MECOM: variants seen among roughly 807,000 people sequenced by gnomAD.
MECOM encodes MDS1 and EVI1 complex locus.
A neutral mutation model predicts 116.3 loss-of-function variants in MECOM; 13 were observed. That is an observed-to-expected ratio of 0.11 (90% CI 0.07 to 0.18). The LOEUF is 0.18. Ranked by LOEUF, MECOM falls within the 10% of genes least tolerant of loss-of-function variation. The pLI, the probability that MECOM is intolerant of heterozygous loss-of-function variation, is 1.00. For synonymous variants in MECOM, 528 were observed against 535.2 expected (o/e 0.99, Z 0.19); for missense variants, 1,299 against 1,509.0 (o/e 0.86, Z 2.31).
At chr3:169,338,089 T>G (rs1019448885) in intron 2 of MECOM, among the ~76,000 whole-genome samples, 3 of 152,144 alleles carry the variant, frequency 2.0e-5, no homozygotes, top group African/African-American at 7.2e-5. Context: ...AATCAGAGGG[T>G]GTTTGTGCTT....
intron 1 of MECOM, among the ~76,000 whole-genome samples, chr3:169,431,913 C>A (rs1410871337): frequency 1.3e-5 from 2 of 151,988 alleles, no homozygotes; most frequent in Non-Finnish European, 2.9e-5. Flanking sequence ...CTGAGTGTTG[C>A]CATGGAGAAA....
At chr3:169,466,128 T>C (rs1186718279) in intron 1 of MECOM, among the ~76,000 whole-genome samples, 1 of 152,184 alleles carries the variant, frequency 6.6e-6, no homozygotes, top group African/African-American at 2.4e-5. Flanking sequence ...GTGAGTAGAA[T>C]CCCTGGCCAT....
Position 169,379,202 on chromosome 3 carries a change from C to T in MECOM, c.375+1985G>A, listed in dbSNP as rs183149786. On this transcript the variant is annotated intron_variant, in intron 2 of 16. Coordinates refer to ENST00000651503, the MANE Select transcript of MECOM (RefSeq NM_004991.4). ...AAGAAGAATCAAGAGCTCAACTGCT[C>T]CTCTGTGGAAAACAAGTTTGCCAAA... Among the ~76,000 whole-genome samples the T allele has an allele frequency of 2.6e-5, 4 of 150,958 alleles. No individual in the cohort carries two copies. In the East Asian group the frequency reaches 7.8e-4, roughly 29 times the overall value.
At chr3:169,205,261 C>A (rs955326191) in intron 2 of MECOM, among the ~76,000 whole-genome samples, 2 of 152,236 alleles carry the variant, frequency 1.3e-5, no homozygotes, top group East Asian at 1.9e-4. Context: ...TCTTAACTAT[C>A]GAGTTTCTAG....
At chr3:169,248,410 C>A (rs1044415882) in intron 2 of MECOM, among the ~76,000 whole-genome samples, 6 of 152,208 alleles carry the variant, frequency 3.9e-5, no homozygotes, top group African/African-American at 1.4e-4. Context: ...ACTGCTAAAT[C>A]TACCTCTTAG....
chr3:169,337,142 A>G (rs1265612338), intron 2 of MECOM, among the ~76,000 whole-genome samples: 1 of 152,184 alleles, frequency 6.6e-6, no homozygotes, highest in Non-Finnish European at 1.5e-5. Flanking sequence ...TTAATTTAGA[A>G]GTTATTTTAG....
intron 6 of MECOM, among the ~76,000 whole-genome samples, chr3:169,121,641 A>G (rs1199356105): frequency 3.3e-5 from 5 of 152,212 alleles, no homozygotes; most frequent in African/African-American, 1.2e-4. Flanking sequence ...GAGTTTCCCT[A>G]GGGCGTAAAA....
At chr3:169,226,488 T>A (rs926702116) in intron 2 of MECOM, among the ~76,000 whole-genome samples, 3 of 152,210 alleles carry the variant, frequency 2.0e-5, no homozygotes, top group African/African-American at 7.2e-5. Flanking sequence ...TTCTCCACAT[T>A]GGTTCTAGGT....
intron 4 of MECOM, among the ~76,000 whole-genome samples, chr3:169,130,975 C>T (rs1435999024): frequency 2.0e-5 from 3 of 152,042 alleles, no homozygotes; most frequent in Admixed American, 6.5e-5. Flanking sequence ...TTTCCCAAGG[C>T]CTCTTCCCTG....
intron 1 of MECOM, among the ~76,000 whole-genome samples, chr3:169,547,991 C>T (rs1224905438): frequency 6.6e-6 from 1 of 152,148 alleles, no homozygotes; most frequent in African/African-American, 2.4e-5. Flanking sequence ...GCCTCCAGAA[C>T]TTTATTTACT....
intron 1 of MECOM, among the ~76,000 whole-genome samples, chr3:169,553,952 G>A (rs1045194810): frequency 6.6e-6 from 1 of 152,074 alleles, no homozygotes; most frequent in Admixed American, 6.6e-5. Flanking sequence ...GGAGGTTACG[G>A]CTTCAATATA....
intron 2 of MECOM, among the ~76,000 whole-genome samples, chr3:169,298,481 CATCT>C (rs1435962476): frequency 6.7e-6 from 1 of 150,016 alleles, no homozygotes; most frequent in Admixed American, 6.7e-5. Context: ...TTAATATTTC[CATCT>C]ATTTATATAT....
At chr3:169,123,116 A>ACAATTAAGTGAGTAGC (rs1731581601) in intron 5 of MECOM, among the ~76,000 whole-genome samples, 1 of 151,848 alleles carries the variant, frequency 6.6e-6, no homozygotes, top group Admixed American at 6.6e-5. Context: ...TATTAAGCTC[A>ACAATTAAGTGAGTAGC]CAATTAAGTG....
rs1560317894 is a variant in MECOM, at chr3:169,472,523, A to AAAGGAAAGGAAAGGAAAGGAAAGG, written c.38-91000_38-90999insCCTTTCCTTTCCTTTCCTTTCCTT. On this transcript the variant is annotated intron_variant, in intron 1 of 16. Coordinates refer to ENST00000651503, the MANE Select transcript of MECOM (RefSeq NM_004991.4). ...GAAAGGAAAGGAAAGGAAAGGAAAG[A>AAAGGAAAGGAAAGGAAAGGAAAGG]AAAGAAAAGAAAAGGAAAGGAAAGG... Among the ~76,000 whole-genome samples, 32 of 64,588 alleles carry AAAGGAAAGGAAAGGAAAGGAAAGG rather than the reference A, an allele frequency of 5.0e-4. 2 individuals are homozygous for AAAGGAAAGGAAAGGAAAGGAAAGG. Among genetic ancestry groups the AAAGGAAAGGAAAGGAAAGGAAAGG allele is most frequent in the African/African-American group, 2.4e-3 (31 of 13,030 alleles). 42.4% of individuals were successfully genotyped at this position (64,588 alleles called of 152,430 possible).
intron 2 of MECOM, among the ~76,000 whole-genome samples, chr3:169,373,081 C>A (rs1319106231): frequency 3.9e-5 from 6 of 151,966 alleles, no homozygotes; most frequent in Non-Finnish European, 1.5e-5. Flanking sequence ...AGTTCATAAC[C>A]TGAGAAAAAG....
chr3:169,597,973 C>T (rs533942461), intron 1 of MECOM, among the ~76,000 whole-genome samples: 1 of 152,274 alleles, frequency 6.6e-6, no homozygotes, highest in South Asian at 2.1e-4. Context: ...CAAGTAAACA[C>T]ATCAGATAAT....
intron 2 of MECOM, chr3:169,147,475 C>A: frequency 1.0e-6 from 1 of 985,478 alleles, no homozygotes; most frequent in Non-Finnish European, 1.2e-6. Flanking sequence ...GTGATCTGAT[C>A]GGAAGCCAGA....
intron 1 of MECOM, among the ~76,000 whole-genome samples, chr3:169,572,449 T>C (rs1442128408): frequency 1.3e-5 from 2 of 152,198 alleles, no homozygotes; most frequent in African/African-American, 2.4e-5. Flanking sequence ...CTCAAGGATC[T>C]AGAACCAGAA....
In MECOM at chr3:169,437,537, A is replaced by C. The variant is rs536388970; in HGVS notation, c.38-56013T>G. Among the ~76,000 whole-genome samples, 4 of 152,322 alleles carry C rather than the reference A, an allele frequency of 2.6e-5. No individual in the cohort carries two copies. In the South Asian group the frequency reaches 8.3e-4, roughly 32 times the overall value. Reference sequence around the variant, plus strand: ...CCTTCTTTGATAACCACAGAGATTCAAATTATAACTCTCTCCATTTAACAG... The same window carrying C: ...CCTTCTTTGATAACCACAGAGATTCCAATTATAACTCTCTCCATTTAACAG... On this transcript the variant is annotated intron_variant, in intron 1 of 16. Transcript: ENST00000651503.
Sources: gnomAD v4.1 joint callset for allele counts (sites outside exome capture counted in the v4.1 genomes callset) on GRCh38, gnomAD v4.1.1 for gene constraint, MANE v1.5 for transcripts, NCBI Gene and HGNC (gene_info 2026-07-23, HGNC 2026-07-21) for gene names.